GFM1: variants seen among roughly 807,000 people sequenced by gnomAD.
GFM1 encodes G elongation factor mitochondrial 1, also known as elongation factor G, mitochondrial.
A neutral mutation model predicts 96.2 loss-of-function variants in GFM1; 62 were observed. The ratio of observed to expected loss-of-function variants is 0.64; its 90% CI spans 0.53 to 0.80. The LOEUF (loss-of-function observed/expected upper bound fraction) is 0.80, where lower values mean the gene tolerates loss of function less well. GFM1 is among the 30% of genes least tolerant of loss of function. The probability of loss-of-function intolerance (pLI) is 0.00; values close to 1 mark genes in which losing one functional copy is unlikely to be tolerated. For missense variants in GFM1, 852 were observed against 916.6 expected, an observed-to-expected ratio of 0.93 and a Z score of 0.91; for synonymous variants, 282 against 312.9, an observed-to-expected ratio of 0.90 and a Z score of 1.04.
At chr3:158,680,264 T>C (rs943855006) in intron 13 of GFM1, among the ~76,000 whole-genome samples, 1 of 151,932 alleles carries the variant, frequency 6.6e-6, no homozygotes, top group Non-Finnish European at 1.5e-5. Context: ...ATAGTATTCA[T>C]TGTACCCAAT....
chr3:158,657,933 C>G (rs552070482), intron 8 of GFM1, among the ~76,000 whole-genome samples: 1 of 152,128 alleles, frequency 6.6e-6, no homozygotes, highest in South Asian at 2.1e-4. Flanking sequence ...GTTTTTATAT[C>G]TGTCAGGGTT....
At chr3:158,687,446 A>T (rs1000956753) in intron 15 of GFM1, among the ~76,000 whole-genome samples, 1 of 152,116 alleles carries the variant, frequency 6.6e-6, no homozygotes, top group Non-Finnish European at 1.5e-5. Context: ...ATCACACTGT[A>T]TCCCCCAAAT....
intron 13 of GFM1, among the ~76,000 whole-genome samples, chr3:158,674,078 A>AC (rs1476384173): frequency 7.5e-6 from 1 of 133,760 alleles, no homozygotes; most frequent in East Asian, 2.1e-4. Context: ...TTCACACATG[A>AC]CCTTTTTTTT....
chr3:158,677,361 G>A (rs530924407), intron 13 of GFM1, among the ~76,000 whole-genome samples: 7 of 152,310 alleles, frequency 4.6e-5, no homozygotes, highest in African/African-American at 9.6e-5. Context: ...GCAGATGTTG[G>A]TTCATGAGGT....
intron 1 of GFM1, 93 bp from the exon 2 acceptor site, chr3:158,645,536 C>G: frequency 9.2e-7 from 1 of 1,083,026 alleles, no homozygotes; most frequent in Non-Finnish European, 1.4e-6. Flanking sequence ...AGTGAGATTT[C>G]TTGGAGGAAT....
At chr3:158,683,789 G>T (rs1290890080) in intron 14 of GFM1, among the ~76,000 whole-genome samples, 1 of 152,132 alleles carries the variant, frequency 6.6e-6, no homozygotes, top group African/African-American at 2.4e-5. Flanking sequence ...TGAAGATGAG[G>T]TTATGAGAAA....
At chr3:158,677,564 G>A (rs1398928464) in intron 13 of GFM1, among the ~76,000 whole-genome samples, 3 of 152,070 alleles carry the variant, frequency 2.0e-5, no homozygotes, top group African/African-American at 4.8e-5. Flanking sequence ...GCAGTGGCAC[G>A]ATCTCGGCTC....
At chr3:158,681,588 TTAACTG>T (rs1182809696) in intron 13 of GFM1, among the ~76,000 whole-genome samples, 1 of 152,216 alleles carries the variant, frequency 6.6e-6, no homozygotes, top group African/African-American at 2.4e-5. Context: ...TCTGAATAAA[TTAACTG>T]TAGCCATCAA....
chr3:158,687,032 T>C (rs1369477400), intron 15 of GFM1, among the ~76,000 whole-genome samples: 2 of 152,084 alleles, frequency 1.3e-5, no homozygotes, highest in Admixed American at 6.6e-5. Context: ...AGACAGGTTC[T>C]TGCTCTGTCA....
chr3:158,654,929 T>TATAA (rs1209975244), intron 8 of GFM1, among the ~76,000 whole-genome samples: 3 of 152,224 alleles, frequency 2.0e-5, no homozygotes, highest in Non-Finnish European at 2.9e-5. Flanking sequence ...TCCATGTTTC[T>TATAA]ATAAATAGTT....
chr3:158,664,149 C>T (rs1261486547), intron 11 of GFM1, among the ~76,000 whole-genome samples: 1 of 152,176 alleles, frequency 6.6e-6, no homozygotes, highest in East Asian at 1.9e-4. Context: ...AAAACACATA[C>T]CACAGCTCCA....
intron 13 of GFM1, chr3:158,672,256 A>C: frequency 6.7e-7 from 1 of 1,503,382 alleles, no homozygotes. Context: ...AGGGGGTGGC[A>C]CGGAGTGTCT....
At chr3:158,654,806 G>A (rs570682563) in intron 8 of GFM1, among the ~76,000 whole-genome samples, 175 bp downstream of exon 8, 1 of 152,252 alleles carries the variant, frequency 6.6e-6, no homozygotes, top group South Asian at 2.1e-4. Context: ...GTTATTAGGT[G>A]CATTTCTTTC....
chr3:158,660,855 G>A lies in GFM1; in HGVS notation c.1222-19G>A. Reference sequence around the variant, plus strand: ...TTGTATTACTTGCAAATATAATTTTGTGTTATTTGTTTTTTTAGGATGTTG... The same window carrying A: ...TTGTATTACTTGCAAATATAATTTTATGTTATTTGTTTTTTTAGGATGTTG... On this transcript the variant is annotated intron_variant, in intron 9 of 17. Coordinates refer to ENST00000486715, the MANE Select transcript of GFM1 (RefSeq NM_024996.7). 1 of 1,591,832 alleles carries A rather than the reference G, an allele frequency of 6.3e-7. No individual in the cohort carries two copies. The highest frequency in any genetic ancestry group is 8.6e-7 in the Non-Finnish European group (1 of 1,160,058).
intron 13 of GFM1, among the ~76,000 whole-genome samples, chr3:158,675,099 C>T (rs1356077024): frequency 2.0e-5 from 3 of 151,868 alleles, no homozygotes; most frequent in African/African-American, 7.3e-5. Flanking sequence ...CCAGCCTGGC[C>T]AATATGGTGA....
Position 158,681,985 on chromosome 3 carries a change from TCA to T in GFM1, c.1602-8_1602-7del, listed in dbSNP as rs779269437. On this transcript the variant is annotated splice_polypyrimidine_tract_variant and splice_region_variant and intron_variant, in intron 13 of 17. Transcript: ENST00000486715. The stretch of plus-strand genomic sequence containing the variant: ...AATGCTCCATTTTTTTTTTCCTAAA[TCA>T]CTTTCAGGTTTGACTTTACACATAA... The T allele has an allele frequency of 1.9e-6, 3 of 1,608,932 alleles. No individual in the cohort carries two copies. The highest frequency in any genetic ancestry group is 1.7e-6 in the Non-Finnish European group (2 of 1,176,804).
intron 15 of GFM1, among the ~76,000 whole-genome samples, chr3:158,685,665 A>G (rs1725777014): frequency 6.6e-6 from 1 of 152,120 alleles, no homozygotes; most frequent in African/African-American, 2.4e-5. Flanking sequence ...CTCAGTTATG[A>G]TAGGGAGATT....
In GFM1 at chr3:158,652,169, G is replaced by C. The variant is rs377037517; in HGVS notation, c.763G>C (p.Glu255Gln). Residue 255 changes from glutamate (E) to glutamine (Q), a missense_variant, in exon 6 of 18, where the codon GAA (glutamate) becomes CAA (glutamine). Transcript: ENST00000486715. Reference protein sequence around the residue: ...AATDHRQELIECVANSDEQLG... With the variant: ...AATDHRQELIQCVANSDEQLG... ...CACTGACCACCGGCAGGAGCTAATT[G>C]AATGTGTTGCCAATTCAGATGAACA... 1 of 1,614,028 alleles carries C rather than the reference G, an allele frequency of 6.2e-7. No homozygotes were observed. The highest frequency in any genetic ancestry group is 1.1e-5 in the South Asian group (1 of 91,078).
chr3:158,691,306 A>G, intron 17 of GFM1, 30 bp from the exon 18 acceptor site: 1 of 1,613,452 alleles, frequency 6.2e-7, no homozygotes, highest in Non-Finnish European at 8.5e-7. Flanking sequence ...CAAACAAACA[A>G]AAAACCCTCT....
Sources: allele counts gnomAD v4.1 joint callset (sites outside exome capture counted in the v4.1 genomes callset), GRCh38; gene constraint gnomAD v4.1.1; transcripts MANE v1.5; gene names NCBI Gene and HGNC (gene_info 2026-07-23, HGNC 2026-07-21).